PCDH7: variants seen among roughly 807,000 people sequenced by gnomAD.
PCDH7 encodes protocadherin-7.
In PCDH7, 17 loss-of-function variants were observed where a neutral mutation model predicts 58.9. That is an observed-to-expected ratio of 0.29 (90% confidence interval 0.20 to 0.43). The LOEUF is 0.43. Among genes scored for constraint, PCDH7 ranks in the 20% least tolerant of loss-of-function variants. The probability of loss-of-function intolerance (pLI) is 1.00; values close to 1 mark genes in which losing one functional copy is unlikely to be tolerated. For missense variants in PCDH7, 1,274 were observed against 1,441.0 expected (o/e 0.88, Z 1.88); for synonymous variants, 664 against 616.4 (o/e 1.08, Z -1.14).
At chr4:30,979,053 A>T (rs1479390750) in intron 3 of PCDH7, among the ~76,000 whole-genome samples, 2 of 152,128 alleles carry the variant, frequency 1.3e-5, no homozygotes, top group Admixed American at 6.6e-5. Context: ...GAGGCATCAG[A>T]TGGCTGAATG....
intron 3 of PCDH7, among the ~76,000 whole-genome samples, chr4:31,120,441 C>CTTTTTTTTTTTTTTTTT (rs138878762): frequency 1.9e-5 from 2 of 107,998 alleles, no homozygotes; most frequent in African/African-American, 3.5e-5. Context: ...CTATTTTTTT[C>CTTTTTTTTTTTTTTTTT]TTTTTTTTTT....
At chr4:30,862,612 A>C (rs1252802442) in intron 1 of PCDH7, among the ~76,000 whole-genome samples, 1 of 152,148 alleles carries the variant, frequency 6.6e-6, no homozygotes, top group African/African-American at 2.4e-5. Flanking sequence ...TGCCAATTGC[A>C]AATATCCTTT....
At chr4:31,066,118 G>A (rs917292080) in intron 3 of PCDH7, among the ~76,000 whole-genome samples, 4 of 151,784 alleles carry the variant, frequency 2.6e-5, no homozygotes, top group African/African-American at 4.8e-5. Context: ...AACATTCACT[G>A]GACATCTAGT....
At chr4:30,871,943 T>A (rs919221495) in intron 1 of PCDH7, among the ~76,000 whole-genome samples, 18 of 152,120 alleles carry the variant, frequency 1.2e-4, no homozygotes, top group African/African-American at 4.1e-4. Flanking sequence ...TTTGCATTTT[T>A]GTCCTTACAT....
Position 30,723,043 on chromosome 4 carries a change from G to C in PCDH7, c.1621G>C (p.Glu541Gln). The C allele has an allele frequency of 6.2e-7, 1 of 1,613,936 alleles. No homozygotes were observed. The highest frequency in any genetic ancestry group is 8.5e-7 in the Non-Finnish European group (1 of 1,180,040). Residue 541 changes from glutamate (E) to glutamine (Q), a missense_variant, in exon 1 of 2, where the codon GAG (glutamate) becomes CAG (glutamine). Physicochemically the swap from Glu to Gln is conservative, Grantham distance 29. Around this residue, in one of 3 missense-constraint regions of PCDH7, gnomAD observed 731 missense variants for 881.9 expected, o/e 0.83. Coordinates refer to ENST00000361762, the Ensembl canonical transcript of PCDH7. The surrounding 1 kb of genome is among the most constrained non-coding windows in gnomAD (Gnocchi z 4.6). ...GCCCATGTTCGGCCAGTCGGTGGTG[G>C]AGGTTTACTTCCCTGAGAACAACAT... is the stretch of plus-strand genomic sequence containing the variant.
intron 3 of PCDH7, among the ~76,000 whole-genome samples, chr4:31,042,120 T>C (rs1755914607): frequency 6.6e-6 from 1 of 152,174 alleles, no homozygotes; most frequent in Non-Finnish European, 1.5e-5. Flanking sequence ...CTCAGTAATG[T>C]AGAAATGCAG....
chr4:31,003,529 G>A (rs10012294), intron 3 of PCDH7, among the ~76,000 whole-genome samples: 80,262 of 151,840 alleles, frequency 0.53, 25,151 homozygotes, highest in African/African-American at 0.87. Context: ...TGTGATTACC[G>A]GCTCAGTATC....
chr4:31,046,962 T>C (rs944388095), intron 3 of PCDH7, among the ~76,000 whole-genome samples: 4 of 152,042 alleles, frequency 2.6e-5, no homozygotes, highest in African/African-American at 9.7e-5. Context: ...AAGGGATAAA[T>C]GAGAATGAAA....
intron 1 of PCDH7, among the ~76,000 whole-genome samples, chr4:30,804,321 A>G (rs929041919): frequency 6.6e-6 from 1 of 152,104 alleles, no homozygotes; most frequent in Non-Finnish European, 1.5e-5. Flanking sequence ...TGGGTGGATC[A>G]TGAGGTCAGG....
At chr4:30,987,310 C>A (rs112406476) in intron 3 of PCDH7, among the ~76,000 whole-genome samples, 46 of 152,114 alleles carry the variant, frequency 3.0e-4, no homozygotes, top group Admixed American at 6.5e-4. Flanking sequence ...CAGGTTTTTA[C>A]TTGAAAATCT....
Position 30,722,079 on chromosome 4 carries a change from G to C in PCDH7, c.657G>C (p.Ser219=), listed in dbSNP as rs1000172418. 12 of 1,294,570 alleles carry C rather than the reference G, an allele frequency of 9.3e-6. No individual in the cohort carries two copies. Among genetic ancestry groups the C allele is most frequent in the African/African-American group, 1.6e-5 (1 of 64,456 alleles). 80.2% of individuals were successfully genotyped at this position (1,294,570 alleles called of 1,614,324 possible). A position where few individuals can be genotyped will look rare whatever the true frequency, so the allele number is the denominator to read the frequency against. ...GGAACGGCGCGAGCGGCGGCGGCTC[G>C]GGAGGCTCCAAGCGGCGGCTGGACG... The change falls in exon 1 of 2, where the codon TCG becomes TCC. Residue 219 remains serine, a synonymous_variant. Transcript: ENST00000361762. This position sits in a 1 kb window ranked among gnomAD's most constrained non-coding sequence, Gnocchi z 7.6.
chr4:30,842,723 A>C (rs948248131), intron 1 of PCDH7, among the ~76,000 whole-genome samples: 1 of 152,236 alleles, frequency 6.6e-6, no homozygotes, highest in Non-Finnish European at 1.5e-5. Context: ...TATATTCTGT[A>C]GGAGGCATTG....
At chr4:30,943,697 T>A (rs1746327566) in intron 2 of PCDH7, among the ~76,000 whole-genome samples, 2 of 152,040 alleles carry the variant, frequency 1.3e-5, no homozygotes, top group Admixed American at 6.6e-5. Context: ...TAAACTTTCT[T>A]AAAACATTAT....
chr4:30,774,544 G>A (rs1721819726), intron 1 of PCDH7, among the ~76,000 whole-genome samples: 1 of 152,134 alleles, frequency 6.6e-6, no homozygotes, highest in African/African-American at 2.4e-5. Context: ...AATGTGCTAG[G>A]CACAACAGAA....
At chr4:30,978,179 A>G (rs368263804) in intron 3 of PCDH7, among the ~76,000 whole-genome samples, 32 of 152,274 alleles carry the variant, frequency 2.1e-4, no homozygotes, top group East Asian at 1.7e-3. Flanking sequence ...ACATAAGAAA[A>G]CATCTTATAA....
At chr4:30,758,709 GGTATTGCACTAA>G (rs1231502654) in intron 1 of PCDH7, among the ~76,000 whole-genome samples, 1 of 152,086 alleles carries the variant, frequency 6.6e-6, no homozygotes, top group Non-Finnish European at 1.5e-5. Flanking sequence ...TGGGAATGCA[GGTATTGCACTAA>G]GTATTGCACT....
At chr4:30,971,530 A>G (rs1248478482) in intron 3 of PCDH7, among the ~76,000 whole-genome samples, 1 of 152,202 alleles carries the variant, frequency 6.6e-6, no homozygotes, top group African/African-American at 2.4e-5. Context: ...TCTGCATCAG[A>G]GTCACTCTAT....
In PCDH7 at chr4:31,084,239, A is replaced by G. The variant is rs574418173; in HGVS notation, c.*8-58234A>G. ...AATACTAACTGAAAAGGAAGGCTGC[A>G]TTTGATTGCCAATAATGAATATACG... On this transcript the variant is annotated intron_variant, in intron 3 of 3. Coordinates refer to the PCDH7 transcript ENST00000509759. 5.9e-5 allele frequency among the ~76,000 whole-genome samples: 9 copies of G among 152,334 alleles called. No individual in the cohort carries two copies. In the South Asian group the frequency reaches 1.9e-3, roughly 32 times the overall value.
chr4:31,104,527 C>T (rs1715308666), intron 3 of PCDH7, among the ~76,000 whole-genome samples: 1 of 152,152 alleles, frequency 6.6e-6, no homozygotes, highest in Admixed American at 6.5e-5. Flanking sequence ...TATAGCAGTA[C>T]ACTTGTCCAA....
Sources: gnomAD v4.1 joint callset for allele counts (sites outside exome capture counted in the v4.1 genomes callset) on GRCh38, gnomAD v4.1.1 for gene constraint, gnomAD v4.1.1 regional missense constraint, Gnocchi (gnomAD v3.1) non-coding constraint, MANE v1.5 for transcripts, NCBI Gene and HGNC (gene_info 2026-07-23, HGNC 2026-07-21) for gene names.